DCAF6: variants seen among roughly 807,000 people sequenced by gnomAD.
DCAF6 encodes DDB1 and CUL4 associated factor 6.
DCAF6 carries 54 observed loss-of-function variants against 125.1 expected under a neutral mutation model. That is an observed-to-expected ratio of 0.43 (90% CI 0.35 to 0.54). DCAF6 has a LOEUF of 0.54. Ranked by LOEUF, DCAF6 falls within the 20% of genes least tolerant of loss-of-function variation. The probability of loss-of-function intolerance (pLI) is 0.01; values close to 1 mark genes in which losing one functional copy is unlikely to be tolerated. For missense variants in DCAF6, 934 were observed against 1,161.7 expected, an observed-to-expected ratio of 0.80 and a Z score of 2.85; for synonymous variants, 371 against 390.4, an observed-to-expected ratio of 0.95 and a Z score of 0.58.
the DCAF6 span, chr1:167,905,071 T>G: frequency 3.7e-6 from 6 of 1,614,100 alleles, no homozygotes; most frequent in South Asian, 5.5e-5. Flanking sequence ...CCATAGACAA[T>G]GAGGTCTGGT....
chr1:167,904,263 T>C, the DCAF6 span, among the ~76,000 whole-genome samples: 2 of 152,034 alleles, frequency 1.3e-5, no homozygotes, highest in African/African-American at 4.8e-5. Flanking sequence ...CGTTTTTGTA[T>C]TTTTAGTACA....
the DCAF6 span, among the ~76,000 whole-genome samples, chr1:167,865,301 C>A: frequency 6.6e-6 from 1 of 152,122 alleles, no homozygotes; most frequent in Non-Finnish European, 1.5e-5. Context: ...AAAAAAAATT[C>A]TGTGTGTAAA....
rs1690439596 is a variant in DCAF6, at chr1:168,054,955, TACAGGCATGTGCCA to T, written c.2300+4023_2300+4036del. On this transcript the variant is annotated intron_variant, in intron 17 of 21. Transcript: ENST00000367840. ...CCTCAGCCTCCCAAGTAGCTGGGGC[TACAGGCATGTGCCA>T]CCATGCCCGGCTAGTTTTTTGTATT... Among the ~76,000 whole-genome samples, 5 of 152,242 alleles carry T rather than the reference TACAGGCATGTGCCA, an allele frequency of 3.3e-5. 1 individual carries two copies. In the South Asian group the frequency reaches 1.0e-3, roughly 32 times the overall value.
At chr1:168,036,030 C>T (rs1295832823) in intron 12 of DCAF6, among the ~76,000 whole-genome samples, 1 of 152,034 alleles carries the variant, frequency 6.6e-6, no homozygotes, top group Non-Finnish European at 1.5e-5. Flanking sequence ...CCATTGCACT[C>T]CAGTCTGGGG....
At chr1:168,056,492 GC>G in intron 17 of DCAF6, 2 of 733,150 alleles carry the variant, frequency 2.7e-6, no homozygotes, top group Non-Finnish European at 3.5e-6. Context: ...GCGGGGAGGG[GC>G]CCAGGCTTAA....
chr1:168,033,736 C>A (rs894247772), intron 12 of DCAF6, among the ~76,000 whole-genome samples: 4 of 152,170 alleles, frequency 2.6e-5, no homozygotes, highest in Non-Finnish European at 5.9e-5. Context: ...CATTGCTGTG[C>A]TTCTGAAGCA....
intron 13 of DCAF6, among the ~76,000 whole-genome samples, chr1:168,041,703 C>G (rs1688554581): frequency 1.3e-5 from 2 of 151,820 alleles, no homozygotes; most frequent in African/African-American, 4.8e-5. Context: ...GTCTTTTCCA[C>G]TAATATGTCT....
chr1:168,070,334 C>G (rs541781626), intron 21 of DCAF6, among the ~76,000 whole-genome samples: 2 of 152,014 alleles, frequency 1.3e-5, no homozygotes, highest in Non-Finnish European at 2.9e-5. Context: ...GTCAACCACT[C>G]TTTTTCTCTC....
upstream of DCAF6, among the ~76,000 whole-genome samples, chr1:167,933,042 T>C (rs1374837979): frequency 1.3e-5 from 2 of 152,012 alleles, no homozygotes; most frequent in East Asian, 1.9e-4. Flanking sequence ...TTCTCTACAG[T>C]GGCAGATCAT....
intron 10 of DCAF6, among the ~76,000 whole-genome samples, 165 bp downstream of exon 10, chr1:168,004,958 TCTTA>T (rs1334237830): frequency 5.3e-5 from 8 of 152,224 alleles, no homozygotes; most frequent in African/African-American, 1.4e-4. Flanking sequence ...ATTAATTATG[TCTTA>T]CTTGCATGAA....
At chr1:167,985,268 A>G (rs903373067) in intron 4 of DCAF6, among the ~76,000 whole-genome samples, 1 of 152,074 alleles carries the variant, frequency 6.6e-6, no homozygotes, top group Admixed American at 6.6e-5. Flanking sequence ...TTAAAGTAAC[A>G]AATTTATTAT....
chr1:167,971,338 A>T (rs1677268560), intron 3 of DCAF6, among the ~76,000 whole-genome samples: 1 of 152,172 alleles, frequency 6.6e-6, no homozygotes, highest in Non-Finnish European at 1.5e-5. Context: ...CTTTGAGATA[A>T]TGACAATTTC....
At chr1:167,917,744 C>T in the DCAF6 span, 1 of 152,252 alleles carries the variant, frequency 6.6e-6, no homozygotes, top group East Asian at 1.9e-4. Context: ...GGACCAGGCA[C>T]TATGTTAAAA....
the DCAF6 span, among the ~76,000 whole-genome samples, chr1:167,901,463 T>C: frequency 6.6e-6 from 1 of 152,222 alleles, no homozygotes; most frequent in Admixed American, 6.5e-5. Flanking sequence ...ATTAGGTAGA[T>C]ATTATGATTA....
chr1:167,878,765 C>T, the DCAF6 span: 3 of 938,928 alleles, frequency 3.2e-6, no homozygotes, highest in Non-Finnish European at 4.9e-6. Context: ...GACACAGAAG[C>T]CTAGTCTCAA....
chr1:167,878,368 A>C, the DCAF6 span: 1 of 1,517,708 alleles, frequency 6.6e-7, no homozygotes, highest in South Asian at 1.1e-5. Flanking sequence ...CCAAATCTTA[A>C]ATGGGTGACT....
In DCAF6 at chr1:167,987,599, T is replaced by C. The variant is rs199586898; in HGVS notation, c.543T>C (p.Asp181=). 4 of 1,554,354 alleles carry C rather than the reference T, an allele frequency of 2.6e-6. No homozygotes were observed. The highest frequency in any genetic ancestry group is 3.3e-5 in the Admixed American group (2 of 59,736). The change falls in exon 5 of 22, where the codon GAT becomes GAC. Residue 181 remains aspartate (D), a synonymous_variant. Transcript: ENST00000367840. Reference sequence around the variant, plus strand: ...TCAAAACTAGCTGCACAAAAGAAGATTGTAAAGATGTAAGAATTAAATTTT... The same window carrying C: ...TCAAAACTAGCTGCACAAAAGAAGACTGTAAAGATGTAAGAATTAAATTTT... The part of the protein sequence containing the change: ...TRIKTSCTKE[D]CKDDILINCR...
chr1:168,065,784 T>C (rs1348098271), intron 19 of DCAF6, 38 bp downstream of exon 19: 1 of 1,571,914 alleles, frequency 6.4e-7, no homozygotes, highest in African/African-American at 1.4e-5. Context: ...TAGAAATTAT[T>C]TGTATGACTC....
intron 4 of DCAF6, among the ~76,000 whole-genome samples, chr1:167,978,533 C>G (rs1245790062): frequency 3.9e-5 from 6 of 151,932 alleles, no homozygotes; most frequent in Admixed American, 3.9e-4. Flanking sequence ...AAATCTCTTG[C>G]CTATTTTTTT....
Sources: allele counts gnomAD v4.1 joint callset (sites outside exome capture counted in the v4.1 genomes callset), GRCh38; gene constraint gnomAD v4.1.1; transcripts MANE v1.5; gene names NCBI Gene and HGNC (gene_info 2026-07-23, HGNC 2026-07-21).